Variants in PFKFB2 observed in about 807,000 individuals in gnomAD.
PFKFB2 encodes 6-phosphofructo-2-kinase/fructose-2,6-biphosphatase 2, also known as 6-phosphofructo-2-kinase/fructose-2,6-bisphosphatase 2.
PFKFB2 carries 53 observed loss-of-function variants against 68.0 expected under a neutral mutation model. The ratio of observed to expected loss-of-function variants is 0.78; its 90% CI spans 0.63 to 0.98. The LOEUF is 0.98. Among genes scored for constraint, PFKFB2 ranks in the 50% least tolerant of loss-of-function variants. PFKFB2 has a pLI of 0.00. For missense variants in PFKFB2, 451 were observed against 642.0 expected, an observed-to-expected ratio of 0.70 and a Z score of 3.22; for synonymous variants, 222 against 227.6, an observed-to-expected ratio of 0.98 and a Z score of 0.22.
rs1400047299 is a variant in PFKFB2 at position 207,062,602 on chromosome 1, T to C, written c.212-18T>C. On this transcript the variant is annotated intron_variant, in intron 3 of 14. Transcript: ENST00000367080. ...ATCATATTATTTTGCTGCTGAAGGATTTGGGTGTCTTCTACAGTGTTTAAT... is the reference window on the plus strand; with the variant it reads ...ATCATATTATTTTGCTGCTGAAGGACTTGGGTGTCTTCTACAGTGTTTAAT... 6.2e-7 allele frequency: 1 copy of C among 1,609,692 alleles called. No homozygotes were observed. Among genetic ancestry groups the C allele is most frequent in the South Asian group, 1.1e-5 (1 of 90,150 alleles).
chr1:207,066,653 T>TA (rs1295275299), intron 8 of PFKFB2, among the ~76,000 whole-genome samples: 1 of 152,092 alleles, frequency 6.6e-6, no homozygotes, highest in African/African-American at 2.4e-5. Context: ...AATAAGCACT[T>TA]ATGACTTTTT....
Position 207,070,246 on chromosome 1 carries a change from G to A in PFKFB2, c.1093-34G>A, listed in dbSNP as rs1683427342. 1 of 1,610,882 alleles carries A rather than the reference G, an allele frequency of 6.2e-7. No individual in the cohort carries two copies. Among genetic ancestry groups the A allele is most frequent in the African/African-American group, 1.3e-5 (1 of 74,798 alleles). Reference sequence around the variant, plus strand: ...TGACTTGGCTGCCAGCTTGCACCTGGGCTCCTGCCAGCCTGCCCCATTTCC... The same window carrying A: ...TGACTTGGCTGCCAGCTTGCACCTGAGCTCCTGCCAGCCTGCCCCATTTCC... On this transcript the variant is annotated intron_variant, in intron 11 of 14. Transcript: ENST00000367080. This position sits in a 1 kb window ranked among gnomAD's most constrained non-coding sequence, Gnocchi z 4.2.
chr1:207,056,951 G>A (rs920816292), intron 2 of PFKFB2, among the ~76,000 whole-genome samples: 2 of 152,144 alleles, frequency 1.3e-5, no homozygotes, highest in Admixed American at 1.3e-4. Flanking sequence ...TTCCCTTGCT[G>A]CTCATTACAC....
rs141454250 is a variant in PFKFB2, at chr1:207,072,339, C to T, written c.1486C>T (p.Arg496Cys). 2.1e-3 allele frequency: 3,447 copies of T among 1,613,998 alleles called. 3 individuals carry two copies. The highest frequency in any genetic ancestry group is 2.7e-3 in the Non-Finnish European group (3,156 of 1,179,920). Residue 496 changes from arginine (R) to cysteine (C), a missense_variant, in exon 15 of 15, where the codon CGT becomes TGT. Arg to Cys is a radical substitution (Grantham distance 180, BLOSUM62 -3). Transcript: ENST00000367080. ...SRPLKPLSPLRAQDMQEGAD is the reference protein window; with the variant it reads ...SRPLKPLSPLCAQDMQEGAD ...GCCCCTCAAGCCCCTCAGCCCTCTC[C>T]GTGCCCAGGACATGCAAGAAGGGGC... is the stretch of plus-strand genomic sequence containing the variant.
At chr1:207,060,799 C>T (rs1180170119) in intron 2 of PFKFB2, 1 of 151,368 alleles carries the variant, frequency 6.6e-6, no homozygotes, top group Non-Finnish European at 1.5e-5. Flanking sequence ...TGTTACTTTT[C>T]TTTCTTTCTT....
In PFKFB2 at chr1:207,077,253, C is replaced by G. The variant is rs1380404285; in HGVS notation, c.*4882C>G. 1 of 984,786 alleles carries G rather than the reference C, an allele frequency of 1.0e-6. No homozygotes were observed. Among genetic ancestry groups the G allele is most frequent in the East Asian group, 1.1e-4 (1 of 8,820 alleles). 61.0% of individuals were successfully genotyped at this position (984,786 alleles called of 1,614,324 possible). Reference sequence around the variant, plus strand: ...TGTTGTATTCCATTGGACAGGGCTGCTATTTTTAGTCAGCCATGCATTTGG... The same window carrying G: ...TGTTGTATTCCATTGGACAGGGCTGGTATTTTTAGTCAGCCATGCATTTGG... On this transcript the variant is annotated 3_prime_UTR_variant, in exon 15 of 15. Transcript: ENST00000367080.
Position 207,073,892 on chromosome 1 carries a change from C to T in PFKFB2, c.*1521C>T, listed in dbSNP as rs1683543126. On this transcript the variant is annotated 3_prime_UTR_variant, in exon 15 of 15. Coordinates refer to ENST00000367080, the MANE Select transcript of PFKFB2 (RefSeq NM_006212.2). ...GGATTTTAAAAAGAGATAGGTGACTCCCCACCTTAAAGTTATCTGCTGGTC... is the reference window on the plus strand; with the variant it reads ...GGATTTTAAAAAGAGATAGGTGACTTCCCACCTTAAAGTTATCTGCTGGTC... 1 of 984,338 alleles carries T rather than the reference C, an allele frequency of 1.0e-6. No homozygotes were observed. The highest frequency in any genetic ancestry group is 1.7e-5 in the African/African-American group (1 of 57,324). The allele number at this position is 984,338 out of a possible 1,614,324, so 61.0% of individuals were successfully genotyped here.
chr1:207,068,115 T>TGTGTGTGC, intron 9 of PFKFB2, 48 bp from the exon 10 acceptor site: 1 of 1,517,698 alleles, frequency 6.6e-7, no homozygotes, highest in Non-Finnish European at 9.0e-7. Flanking sequence ...TGTGTGTGTG[T>TGTGTGTGC]GTCTGTGTGT....
upstream of PFKFB2, chr1:207,052,333 G>T: frequency 1.9e-6 from 2 of 1,048,884 alleles, no homozygotes; most frequent in Non-Finnish European, 1.5e-6. Flanking sequence ...CCTGGGTTAG[G>T]GGGTAGGTAG....
intron 1 of PFKFB2, 25 bp from the exon 2 acceptor site, chr1:207,054,676 T>C: frequency 6.7e-7 from 1 of 1,502,854 alleles, no homozygotes; most frequent in Non-Finnish European, 9.2e-7. Context: ...CCTTCCCTTT[T>C]TTACATTCTA....
rs765367424 is a variant in PFKFB2, at chr1:207,067,479, T to G, written c.633-20T>G. The G allele has an allele frequency of 1.3e-6, 2 of 1,586,848 alleles. No individual in the cohort carries two copies. Among genetic ancestry groups the G allele is most frequent in the South Asian group, 2.2e-5 (2 of 89,454 alleles). On this transcript the variant is annotated intron_variant, in intron 8 of 14. Transcript: ENST00000367080. ...AGATCTTCTTACCTAGGGAATTTTT[T>G]TTTTCCTTTCCTGTCCCAGGGATCT... is the stretch of plus-strand genomic sequence containing the variant.
chr1:207,065,610 C>T (rs1276523240), intron 8 of PFKFB2, among the ~76,000 whole-genome samples: 4 of 152,104 alleles, frequency 2.6e-5, no homozygotes, highest in Admixed American at 2.6e-4. Context: ...CCTCGGCCTC[C>T]CAAAGTGCTG....
At position 207,073,296 on chromosome 1, in the gene PFKFB2, A is replaced by C. The variant is rs1290925514; in HGVS notation, c.*925A>C. The C allele has an allele frequency of 1.0e-6, 1 of 985,322 alleles. No individual in the cohort carries two copies. The highest frequency in any genetic ancestry group is 1.7e-5 in the African/African-American group (1 of 57,238). 61.0% of individuals were successfully genotyped at this position (985,322 alleles called of 1,614,324 possible). A position where few individuals can be genotyped will look rare whatever the true frequency, so the allele number is the denominator to read the frequency against. ...GGGCTCTAGCTCTTGCAGGGCTCTT[A>C]GAGAGCAGTCATGTCTTTTCTCCCA... On this transcript the variant is annotated 3_prime_UTR_variant, in exon 15 of 15. Coordinates refer to ENST00000367080, the MANE Select transcript of PFKFB2 (RefSeq NM_006212.2).
At chr1:207,062,501 T>C (rs1427807114) in intron 3 of PFKFB2, 119 bp from the exon 4 acceptor site, 4 of 1,483,730 alleles carry the variant, frequency 2.7e-6, no homozygotes, top group Middle Eastern at 1.8e-4. Context: ...GTTCCCAACC[T>C]ACCATGCTGC....
chr1:207,067,786 T>C, intron 9 of PFKFB2, 80 bp downstream of exon 9: 1 of 1,174,246 alleles, frequency 8.5e-7, no homozygotes, highest in Non-Finnish European at 1.2e-6. Flanking sequence ...TTTATCTCCT[T>C]ACTTAAATCC....
downstream of PFKFB2, chr1:207,079,045 C>A: frequency 6.3e-7 from 1 of 1,577,788 alleles, no homozygotes; most frequent in South Asian, 1.1e-5. Flanking sequence ...GGCCTCACCT[C>A]TCCAAACGAC....
upstream of PFKFB2, chr1:207,052,034 A>G (rs745733474): frequency 4.4e-5 from 29 of 659,606 alleles, no homozygotes; most frequent in Middle Eastern, 5.5e-4. Flanking sequence ...CTGAATTTAT[A>G]TCTCTCTTTT....
chr1:207,052,199 A>G (rs772208444), upstream of PFKFB2: 10 of 1,612,810 alleles, frequency 6.2e-6, no homozygotes, highest in Non-Finnish European at 8.5e-6. Context: ...ACTGTAAAAG[A>G]CTTTGCTTCT....
chr1:207,057,059 C>G (rs1375932815), intron 2 of PFKFB2, among the ~76,000 whole-genome samples: 1 of 152,034 alleles, frequency 6.6e-6, no homozygotes. Flanking sequence ...AGGAGCATTA[C>G]TGGGACTTCA....
Sources: gnomAD v4.1 joint callset for allele counts (sites outside exome capture counted in the v4.1 genomes callset) on GRCh38, gnomAD v4.1.1 for gene constraint, Gnocchi (gnomAD v3.1) non-coding constraint, MANE v1.5 for transcripts, NCBI Gene and HGNC (gene_info 2026-07-23, HGNC 2026-07-21) for gene names.